Variants in NUP85 observed in about 807,000 individuals in gnomAD.
NUP85 encodes nuclear pore complex protein Nup85.
In NUP85, 23 loss-of-function variants were observed where a neutral mutation model predicts 92.8. The ratio of observed to expected loss-of-function variants is 0.25; its 90% CI spans 0.18 to 0.35. The LOEUF is 0.35. Ranked by LOEUF, NUP85 falls within the 10% of genes least tolerant of loss-of-function variation. The pLI is 1.00. For synonymous variants in NUP85, 314 were observed against 306.9 expected, an observed-to-expected ratio of 1.02 and a Z score of -0.24; for missense variants, 759 against 822.8, an observed-to-expected ratio of 0.92 and a Z score of 0.95.
At chr17:75,218,588 GTTTTTTTT>G (rs67761124) in intron 7 of NUP85, among the ~76,000 whole-genome samples, 2 of 82,852 alleles carry the variant, frequency 2.4e-5, no homozygotes, top group South Asian at 4.7e-4. Flanking sequence ...ATACAAAACC[GTTTTTTTT>G]TTTTTTTTTT....
At chr17:75,226,689 T>C in intron 11 of NUP85, 1 of 425,010 alleles carries the variant, frequency 2.4e-6, no homozygotes, top group Non-Finnish European at 4.7e-6. Context: ...CTGGGTGAGC[T>C]TAGGGACTTC....
chr17:75,228,592 T>C lies in NUP85; in HGVS notation c.1094+2435T>C, dbSNP rs573352602. 1.7e-3 allele frequency: 1,721 copies of C among 985,452 alleles called. 4 individuals are homozygous for C. Among genetic ancestry groups the C allele is most frequent in the Non-Finnish European group, 2.0e-3 (1,622 of 829,938 alleles). The allele number at this position is 985,452 out of a possible 1,614,324, so 61.0% of individuals were successfully genotyped here. A position where few individuals can be genotyped will look rare whatever the true frequency, so the allele number is the denominator to read the frequency against. On this transcript the variant is annotated intron_variant, in intron 11 of 18. Coordinates refer to ENST00000245544, the MANE Select transcript of NUP85 (RefSeq NM_024844.5). ...GGTCTTGTGGGCACTTGTTTTCTCA[T>C]GGGATGTATCAGTCAGACCCATGCA...
rs955062175 is a variant in NUP85, at chr17:75,222,908, G to A, written c.598-2195G>A. Among the ~76,000 whole-genome samples, 17 of 151,864 alleles carry A rather than the reference G, an allele frequency of 1.1e-4. 1 individual carries two copies. The highest frequency in any genetic ancestry group is 1.0e-3 in the South Asian group (5 of 4,796). ...AAATTAGCCAGGCATGGTGGCAGGC[G>A]CCTGTAGTCCCAGCTACTCGGGAGG... On this transcript the variant is annotated intron_variant, in intron 7 of 18. Coordinates refer to ENST00000245544, the MANE Select transcript of NUP85 (RefSeq NM_024844.5).
intron 7 of NUP85, among the ~76,000 whole-genome samples, chr17:75,219,583 GTATT>G (rs1195818136): frequency 1.3e-5 from 2 of 152,182 alleles, no homozygotes; most frequent in African/African-American, 4.8e-5. Context: ...CATTCACTGA[GTATT>G]TATTGAGTCC....
rs1568095901 is a variant in NUP85, at chr17:75,233,382, TC to T, written c.1615+225del. Among the ~76,000 whole-genome samples the T allele has an allele frequency of 8.4e-5, 5 of 59,584 alleles. No individual in the cohort carries two copies. In the East Asian group the frequency reaches 7.2e-3, roughly 86 times the overall value. The allele number at this position is 59,584 out of a possible 152,430, so 39.1% of individuals were successfully genotyped here. A position where few individuals can be genotyped will look rare whatever the true frequency, so the allele number is the denominator to read the frequency against. ...GTTTGTTTGTTTTTCTTTCTTTCTC[TC>T]TTTCTTTCTCTTTCTCTTTCTCTTT... On this transcript the variant is annotated intron_variant, in intron 16 of 18. Coordinates refer to ENST00000245544, the MANE Select transcript of NUP85 (RefSeq NM_024844.5).
intron 3 of NUP85, 57 bp downstream of exon 3, chr17:75,210,042 A>G (rs955050401): frequency 6.6e-7 from 1 of 1,520,726 alleles, no homozygotes; most frequent in Non-Finnish European, 8.9e-7. Context: ...AAGCCAAATG[A>G]AGTACATTGT....
chr17:75,226,030 T>C (rs780564620), intron 10 of NUP85, 21 bp from the exon 11 acceptor site: 4 of 1,612,568 alleles, frequency 2.5e-6, no homozygotes, highest in Admixed American at 3.3e-5. Flanking sequence ...CAGGATTGAG[T>C]GTCTCATCAC....
intron 6 of NUP85, among the ~76,000 whole-genome samples, chr17:75,217,483 T>A (rs2075466940): frequency 6.6e-6 from 1 of 151,970 alleles, no homozygotes; most frequent in African/African-American, 2.4e-5. Flanking sequence ...ATTACAGACA[T>A]GAACTACCAT....
intron 5 of NUP85, among the ~76,000 whole-genome samples, chr17:75,214,137 C>T (rs1438979977): frequency 6.6e-6 from 1 of 152,176 alleles, no homozygotes; most frequent in African/African-American, 2.4e-5. Context: ...AGCCACTGCG[C>T]CCGGCTAAAC....
intron 18 of NUP85, 151 bp from the exon 19 acceptor site, chr17:75,235,427 C>T (rs2076294251): frequency 1.6e-6 from 1 of 624,476 alleles, no homozygotes; most frequent in Non-Finnish European, 2.8e-6. Flanking sequence ...TCCAGTATGG[C>T]CCTTTGGTAT....
chr17:75,226,408 T>C (rs937101859), intron 11 of NUP85, among the ~76,000 whole-genome samples: 1 of 152,144 alleles, frequency 6.6e-6, no homozygotes, highest in Admixed American at 6.5e-5. Context: ...AGGGCTGCTC[T>C]CTGCTTCCAA....
intron 1 of NUP85, among the ~76,000 whole-genome samples, chr17:75,207,073 T>C (rs2075107397): frequency 6.6e-6 from 1 of 152,070 alleles, no homozygotes; most frequent in Non-Finnish European, 1.5e-5. Context: ...CAGATCTTGA[T>C]TTTAGGACTA....
intron 1 of NUP85, among the ~76,000 whole-genome samples, chr17:75,207,786 G>A (rs1039616161): frequency 9.2e-5 from 14 of 151,804 alleles, no homozygotes; most frequent in Non-Finnish European, 1.9e-4. Context: ...CTAGGAGTTC[G>A]AGATCAACCT....
chr17:75,234,165 C>A (rs969317889), intron 16 of NUP85, among the ~76,000 whole-genome samples: 1 of 151,818 alleles, frequency 6.6e-6, no homozygotes, highest in African/African-American at 2.4e-5. Context: ...CATTCTTCCT[C>A]CTCAGCCTCC....
rs376187492 is a variant in NUP85 at position 75,226,177 on chromosome 17, C to G, written c.1094+20C>G. The G allele has an allele frequency of 3.5e-5, 56 of 1,595,266 alleles. No individual in the cohort carries two copies. Among genetic ancestry groups the G allele is most frequent in the African/African-American group, 1.2e-4 (9 of 74,486 alleles). On this transcript the variant is annotated intron_variant, in intron 11 of 18. Transcript: ENST00000245544. ...GTGCAGGTAGGATCTCTCCCACCCC[C>G]CACTGTAACCATTTTTAGGTGTACA...
At chr17:75,234,022 C>A (rs1484961592) in intron 16 of NUP85, among the ~76,000 whole-genome samples, 2 of 148,968 alleles carry the variant, frequency 1.3e-5, no homozygotes, top group Non-Finnish European at 3.0e-5. Flanking sequence ...GTGTGAGCTA[C>A]TGTGCCTGGC....
intron 7 of NUP85, among the ~76,000 whole-genome samples, chr17:75,222,809 GC>G (rs1466423074): frequency 1.4e-4 from 21 of 152,024 alleles, no homozygotes; most frequent in Non-Finnish European, 2.5e-4. Context: ...GCCGAGGCGG[GC>G]GGATCATGAA....
At chr17:75,212,263 T>TTTTG (rs2075297372) in intron 4 of NUP85, among the ~76,000 whole-genome samples, 1 of 39,986 alleles carries the variant, frequency 2.5e-5, no homozygotes, top group African/African-American at 8.1e-5. Flanking sequence ...TTTTTTTTTT[T>TTTTG]TTTTTTTTTT....
chr17:75,216,949 C>A (rs919623525), intron 6 of NUP85, among the ~76,000 whole-genome samples: 1 of 152,126 alleles, frequency 6.6e-6, no homozygotes, highest in Non-Finnish European at 1.5e-5. Flanking sequence ...TGTGGTGGTA[C>A]AATCACAGCT....
Sources: gnomAD v4.1 joint callset for allele counts (sites outside exome capture counted in the v4.1 genomes callset) on GRCh38, gnomAD v4.1.1 for gene constraint, MANE v1.5 for transcripts, NCBI Gene and HGNC (gene_info 2026-07-23, HGNC 2026-07-21) for gene names.